The following FAM13A variants were observed in gnomAD, a reference collection of about 807,000 sequenced individuals.
FAM13A encodes the protein protein FAM13A.
Under a neutral mutation model 129.6 loss-of-function variants are expected in FAM13A, and 76 were observed. The ratio of observed to expected loss-of-function variants is 0.59; its 90% confidence interval spans 0.49 to 0.71. FAM13A has a LOEUF of 0.71. Ranked by LOEUF, FAM13A falls within the 30% of genes least tolerant of loss-of-function variation. The pLI is 0.00. For synonymous variants in FAM13A, 443 were observed against 449.9 expected (o/e 0.98, Z 0.20); for missense variants, 1,108 against 1,249.3 (o/e 0.89, Z 1.70).
Position 88,750,655 on chromosome 4 carries a change from T to G in FAM13A, c.1727-18A>C. 1 of 1,552,898 alleles carries G rather than the reference T, an allele frequency of 6.4e-7. No homozygotes were observed. The highest frequency in any genetic ancestry group is 8.7e-7 in the Non-Finnish European group (1 of 1,153,434). On this transcript the variant is annotated intron_variant, in intron 14 of 23. Coordinates refer to ENST00000264344, the MANE Select transcript of FAM13A (RefSeq NM_014883.4). The stretch of plus-strand genomic sequence containing the variant: ...GATAGGCTCTGGAAGATAAGGGCAG[T>G]AAGATCAGGACTGTTCCTGAAAGAG...
At chr4:88,840,735 T>C (rs1341394085) in intron 7 of FAM13A, among the ~76,000 whole-genome samples, 1 of 152,030 alleles carries the variant, frequency 6.6e-6, no homozygotes, top group Non-Finnish European at 1.5e-5. Context: ...ATTTTGTAGA[T>C]CTAAATCATG....
intron 7 of FAM13A, among the ~76,000 whole-genome samples, chr4:88,850,684 C>T (rs756637412): frequency 1.8e-4 from 28 of 152,192 alleles, no homozygotes; most frequent in Non-Finnish European, 4.0e-4. Flanking sequence ...CTAGTGACAA[C>T]TTCGATCTCC....
chr4:88,906,452 T>A lies in FAM13A; in HGVS notation c.770A>T (p.Tyr257Phe). 2 of 1,603,088 alleles carry A rather than the reference T, an allele frequency of 1.2e-6. No individual in the cohort carries two copies. The highest frequency in any genetic ancestry group is 1.7e-6 in the Non-Finnish European group (2 of 1,173,492). Residue 257 changes from tyrosine (Y) to phenylalanine (F), a missense_variant, in exon 6 of 24, where the codon TAT becomes TTT. Tyr to Phe is a conservative substitution (Grantham distance 22). This residue lies in a region of FAM13A where 566 missense variants were observed against 595.7 expected (regional missense o/e 0.95). Coordinates refer to ENST00000264344, the MANE Select transcript of FAM13A (RefSeq NM_014883.4). ...TAAAAGGATGGGCAGGGAGTTCTTA[T>A]AATAGACCTCCTACAAAAGAAGTAT... is the stretch of plus-strand genomic sequence containing the variant. ...ARLIIVKEVY[Y>F]KNSLPILLTR...
chr4:88,727,534 A>T lies in FAM13A; in HGVS notation c.*999T>A, dbSNP rs929159437. 3.3e-5 allele frequency: 5 copies of T among 150,826 alleles called. No homozygotes were observed. The highest frequency in any genetic ancestry group is 5.9e-5 in the Non-Finnish European group (4 of 67,926). The allele number at this position is 150,826 out of a possible 1,614,324, so 9.3% of individuals were successfully genotyped here. A position where few individuals can be genotyped will look rare whatever the true frequency, so the allele number is the denominator to read the frequency against. ...CCTGTCAGTTTGGGGATTTTAGTGC[A>T]GATTTTTTTTAAAAAAATTAAACTC... is the stretch of plus-strand genomic sequence containing the variant. On this transcript the variant is annotated 3_prime_UTR_variant, in exon 24 of 24. Transcript: ENST00000264344.
intron 4 of FAM13A, among the ~76,000 whole-genome samples, chr4:88,953,225 C>T (rs1013012575): frequency 7.3e-5 from 11 of 151,660 alleles, no homozygotes; most frequent in East Asian, 2.0e-4. Context: ...GAAACCGAGG[C>T]GGGCAGACCA....
chr4:88,909,688 T>TAGAGATGAG (rs1748742075), intron 5 of FAM13A, among the ~76,000 whole-genome samples: 1 of 152,152 alleles, frequency 6.6e-6, no homozygotes, highest in African/African-American at 2.4e-5. Context: ...GGTTTCTCCA[T>TAGAGATGAG]GTTGGCCAGG....
At chr4:88,903,963 T>G (rs1378952933) in intron 6 of FAM13A, among the ~76,000 whole-genome samples, 1 of 152,124 alleles carries the variant, frequency 6.6e-6, no homozygotes, top group African/African-American at 2.4e-5. Flanking sequence ...GTAAAGGACA[T>G]GAACAGGCAC....
At chr4:88,988,176 T>C (rs770345948) in intron 4 of FAM13A, among the ~76,000 whole-genome samples, 23 of 151,932 alleles carry the variant, frequency 1.5e-4, no homozygotes, top group Non-Finnish European at 2.2e-4. Flanking sequence ...GTCAATGTGG[T>C]TGAAAAAAAA....
At chr4:88,859,636 A>G (rs902231451) in intron 6 of FAM13A, among the ~76,000 whole-genome samples, 1 of 152,144 alleles carries the variant, frequency 6.6e-6, no homozygotes, top group Non-Finnish European at 1.5e-5. Context: ...GCTTGAGGGG[A>G]AGGAGCAGGA....
intron 4 of FAM13A, among the ~76,000 whole-genome samples, chr4:88,980,228 G>A (rs978799883): frequency 6.6e-6 from 1 of 152,198 alleles, no homozygotes; most frequent in Non-Finnish European, 1.5e-5. Flanking sequence ...AAGCTGACAT[G>A]TGGGGATTAA....
intron 4 of FAM13A, among the ~76,000 whole-genome samples, chr4:88,980,760 C>T (rs943358058): frequency 7.9e-5 from 12 of 152,082 alleles, no homozygotes; most frequent in African/African-American, 2.9e-4. Flanking sequence ...GGGTTACAAA[C>T]CAAATATAGC....
chr4:88,785,190 C>A (rs1244002799), intron 10 of FAM13A, among the ~76,000 whole-genome samples: 1 of 151,892 alleles, frequency 6.6e-6, no homozygotes, highest in African/African-American at 2.4e-5. Flanking sequence ...TTACTAGAGG[C>A]AAAATAATAG....
intron 5 of FAM13A, among the ~76,000 whole-genome samples, chr4:88,919,285 G>A (rs1295585309): frequency 6.6e-6 from 1 of 152,214 alleles, no homozygotes; most frequent in Non-Finnish European, 1.5e-5. Flanking sequence ...CAGTCAGCAT[G>A]TCTTAAAAAG....
chr4:88,978,331 A>G (rs1322913966), intron 4 of FAM13A, among the ~76,000 whole-genome samples: 1 of 152,250 alleles, frequency 6.6e-6, no homozygotes, highest in Non-Finnish European at 1.5e-5. Flanking sequence ...ATTTACCATG[A>G]GGAATAGATA....
chr4:89,049,441 CTG>C (rs770815626), intron 1 of FAM13A, among the ~76,000 whole-genome samples: 29 of 152,250 alleles, frequency 1.9e-4, no homozygotes, highest in Non-Finnish European at 3.7e-4. Flanking sequence ...GAAAAAAAAC[CTG>C]TGACATCATT....
intron 5 of FAM13A, among the ~76,000 whole-genome samples, chr4:88,932,561 T>G (rs1753204155): frequency 6.6e-6 from 1 of 152,166 alleles, no homozygotes; most frequent in Non-Finnish European, 1.5e-5. Flanking sequence ...AAACATTTGT[T>G]GAAGTTAATT....
intron 8 of FAM13A, among the ~76,000 whole-genome samples, chr4:88,803,201 G>A (rs945162974): frequency 2.6e-4 from 39 of 152,058 alleles, no homozygotes; most frequent in African/African-American, 9.4e-4. Flanking sequence ...TACTATTTTT[G>A]CATTTGTGAA....
intron 3 of FAM13A, among the ~76,000 whole-genome samples, chr4:89,009,910 A>G (rs1404876076): frequency 6.6e-6 from 1 of 152,162 alleles, no homozygotes; most frequent in Non-Finnish European, 1.5e-5. Flanking sequence ...AGTAACTACA[A>G]AACAGTGTCA....
At chr4:88,827,689 T>C (rs765064764) in intron 7 of FAM13A, among the ~76,000 whole-genome samples, 1 of 152,198 alleles carries the variant, frequency 6.6e-6, no homozygotes, top group Non-Finnish European at 1.5e-5. Flanking sequence ...ACCAAATCTA[T>C]TGATTGACCT....
Sources: gnomAD v4.1 joint callset for allele counts (sites outside exome capture counted in the v4.1 genomes callset) on GRCh38, gnomAD v4.1.1 for gene constraint, gnomAD v4.1.1 regional missense constraint, MANE v1.5 for transcripts, NCBI Gene and HGNC (gene_info 2026-07-23, HGNC 2026-07-21) for gene names.